SLC19A1: variants seen among roughly 807,000 people sequenced by gnomAD.
SLC19A1 encodes solute carrier family 19 member 1.
A neutral mutation model predicts 35.3 loss-of-function variants in SLC19A1; 37 were observed. That is an observed-to-expected ratio of 1.05 (90% CI 0.81 to 1.38). The LOEUF is 1.38. Ranked by LOEUF, SLC19A1 falls within the 40% of genes most tolerant of loss-of-function variation. The pLI is 0.00. For synonymous variants in SLC19A1, 460 were observed against 398.5 expected, an observed-to-expected ratio of 1.15 and a Z score of -1.84; for missense variants, 831 against 826.9, an observed-to-expected ratio of 1.00 and a Z score of -0.06.
intron 5 of SLC19A1, among the ~76,000 whole-genome samples, chr21:45,520,689 T>C (rs1220783436): frequency 6.6e-6 from 1 of 152,182 alleles, no homozygotes; most frequent in Non-Finnish European, 1.5e-5. Flanking sequence ...GTCACAAGGA[T>C]GGCATCTTAC....
At chr21:45,536,404 G>A (rs1220590390) in intron 2 of SLC19A1, 8 of 152,544 alleles carry the variant, frequency 5.2e-5, no homozygotes, top group Admixed American at 4.6e-4. Context: ...TCAGTGGGTG[G>A]CAGGGAGAGG....
intron 3 of SLC19A1, 82 bp downstream of exon 3, chr21:45,531,307 C>A: frequency 6.6e-7 from 1 of 1,508,918 alleles, no homozygotes; most frequent in South Asian, 1.3e-5. Flanking sequence ...GAGGGAGCCT[C>A]CGGGGGAAGG....
chr21:45,533,878 T>C lies in SLC19A1; in HGVS notation c.190-1730A>G, dbSNP rs924663650. ...TGCTCAGAGCCCGGCCACCGGCTAC[T>C]GTGAACAGCTGGGCAATAGGACCCT... is the stretch of plus-strand genomic sequence containing the variant. On this transcript the variant is annotated intron_variant, in intron 2 of 5. Transcript: ENST00000311124. This position sits in a 1 kb window ranked among gnomAD's most constrained non-coding sequence, Gnocchi z 4.5. 2.6e-5 allele frequency among the ~76,000 whole-genome samples: 4 copies of C among 152,096 alleles called. No individual in the cohort carries two copies. The highest frequency in any genetic ancestry group is 4.8e-5 in the African/African-American group (2 of 41,420).
chr21:45,511,858 C>T (rs577703058), downstream of SLC19A1, among the ~76,000 whole-genome samples: 14 of 152,306 alleles, frequency 9.2e-5, no homozygotes, highest in South Asian at 2.3e-3. Flanking sequence ...GCCCGGGAGG[C>T]GGAGCTGGTT....
intron 5 of SLC19A1, among the ~76,000 whole-genome samples, chr21:45,516,609 CCCGTCT>C (rs2146205850): frequency 6.6e-6 from 1 of 152,344 alleles, no homozygotes; most frequent in East Asian, 1.9e-4. Flanking sequence ...GCACATGGAG[CCCGTCT>C]CCATCTCGGC....
chr21:45,509,383 C>A, downstream of SLC19A1: 1 of 1,543,070 alleles, frequency 6.5e-7, no homozygotes, highest in Non-Finnish European at 8.7e-7. Context: ...CTTGCAGCCC[C>A]CCGTGGTGCA....
In SLC19A1 at chr21:45,515,803, G is replaced by A. The variant is rs760152623; in HGVS notation, c.1631C>T (p.Ser544Phe). The change falls in exon 6 of 6, where the codon TCC (serine) becomes TTC (phenylalanine). Residue 544 changes from serine (S) to phenylalanine (F), a missense_variant. Physicochemically the swap from Ser to Phe is radical, Grantham distance 155 (BLOSUM62 -2). Coordinates refer to ENST00000311124, the MANE Select transcript of SLC19A1 (RefSeq NM_194255.4). ...AEFLSPVTTP[S>F]PCTLCSAQAS... Reference sequence around the variant, plus strand: ...TTGGGCGGAGCACAGAGTGCAGGGGGAAGGGGTTGTCACTGGGCTCAGGAA... The same window carrying A: ...TTGGGCGGAGCACAGAGTGCAGGGGAAAGGGGTTGTCACTGGGCTCAGGAA... 6.2e-6 allele frequency: 10 copies of A among 1,612,076 alleles called. No homozygotes were observed. Among genetic ancestry groups the A allele is most frequent in the Non-Finnish European group, 8.5e-6 (10 of 1,178,950 alleles).
chr21:45,556,629 T>A (rs1602960262), intron 1 of SLC19A1, among the ~76,000 whole-genome samples: 3 of 152,356 alleles, frequency 2.0e-5, no homozygotes, highest in Admixed American at 2.0e-4. Context: ...GTGACACACC[T>A]GTCTGCAGCC....
At chr21:45,505,169 C>T in intron 3 of SLC19A1, 2 of 1,606,650 alleles carry the variant, frequency 1.2e-6, no homozygotes, top group East Asian at 2.2e-5. Flanking sequence ...GCCAGCCCGG[C>T]CCACCTGGAC....
chr21:45,507,590 G>C (rs766600640), downstream of SLC19A1: 13 of 1,613,088 alleles, frequency 8.1e-6, no homozygotes, highest in Non-Finnish European at 1.1e-5. Flanking sequence ...TCCCACGAGG[G>C]ACGGTAAGGA....
chr21:45,507,556 T>C (rs2037292638), intron 3 of SLC19A1: 2 of 1,611,850 alleles, frequency 1.2e-6, no homozygotes. Flanking sequence ...GCTGCTTTCT[T>C]CCAGCTGGAG....
rs528630035 is a variant in SLC19A1, at chr21:45,538,457, G to A, written c.-49-449C>T. Among the ~76,000 whole-genome samples, 127 of 152,320 alleles carry A rather than the reference G, an allele frequency of 8.3e-4. 2 individuals are homozygous for A. In the South Asian group the frequency reaches 0.025, roughly 30 times the overall value. The stretch of plus-strand genomic sequence containing the variant: ...CCCACGTGCCTGCTGCTGCTCTAGC[G>A]GCACCCAGGTGGCCCAGGGAGGGCA... On this transcript the variant is annotated intron_variant, in intron 1 of 5. Transcript: ENST00000311124.
chr21:45,510,790 G>A (rs190073580), downstream of SLC19A1, among the ~76,000 whole-genome samples: 6 of 152,246 alleles, frequency 3.9e-5, no homozygotes, highest in East Asian at 1.9e-4. Flanking sequence ...GGGAGCAGGC[G>A]GCTGTGGCCT....
rs67657866 is a variant in SLC19A1, at chr21:45,530,350, G to GTA, written c.1151+419_1151+420insTA. ...GTGAGTGTCCATCTGTGCGCATGTG[G>GTA]TGTGTTCATGAGTGTGTGTGTGTCC... On this transcript the variant is annotated intron_variant, in intron 4 of 5. Transcript: ENST00000311124. The surrounding 1 kb of genome is among the most constrained non-coding windows in gnomAD (Gnocchi z 5.3). Among the ~76,000 whole-genome samples the GTA allele has an allele frequency of 3.5e-5, 1 of 28,540 alleles. No individual in the cohort carries two copies. The highest frequency in any genetic ancestry group is 8.4e-5 in the Non-Finnish European group (1 of 11,964). The allele number at this position is 28,540 out of a possible 152,430, so 18.7% of individuals were successfully genotyped here. A position where few individuals can be genotyped will look rare whatever the true frequency, so the allele number is the denominator to read the frequency against.
At chr21:45,526,752 A>G (rs930870659) in intron 4 of SLC19A1, among the ~76,000 whole-genome samples, 6 of 152,162 alleles carry the variant, frequency 3.9e-5, no homozygotes, top group African/African-American at 1.2e-4. Context: ...TTGTATTTTT[A>G]GTAGAGACAG....
At chr21:45,559,689 G>A (rs1031884405) in intron 1 of SLC19A1, among the ~76,000 whole-genome samples, 4 of 152,288 alleles carry the variant, frequency 2.6e-5, no homozygotes, top group Non-Finnish European at 4.4e-5. Flanking sequence ...TTACTGGCTC[G>A]GAGGTGGTTC....
At chr21:45,557,359 C>T (rs1407796704) in intron 1 of SLC19A1, among the ~76,000 whole-genome samples, 6 of 152,210 alleles carry the variant, frequency 3.9e-5, no homozygotes, top group Admixed American at 1.3e-4. Context: ...GTGCCACATT[C>T]TCCTGAGGCT....
At chr21:45,538,694 G>A (rs1354593168) in intron 1 of SLC19A1, among the ~76,000 whole-genome samples, 2 of 152,160 alleles carry the variant, frequency 1.3e-5, no homozygotes, top group East Asian at 3.9e-4. Context: ...TGGGAGGGAG[G>A]ATGGGATGGA....
chr21:45,531,036 G>A (rs1361428143), intron 3 of SLC19A1, 65 bp from the exon 4 acceptor site: 2 of 1,182,732 alleles, frequency 1.7e-6, no homozygotes, highest in South Asian at 2.0e-5. Flanking sequence ...GGAGGTAGCG[G>A]GAGCTTCTGA....
Sources: gnomAD v4.1 joint callset for allele counts (sites outside exome capture counted in the v4.1 genomes callset) on GRCh38, gnomAD v4.1.1 for gene constraint, Gnocchi (gnomAD v3.1) non-coding constraint, MANE v1.5 for transcripts, NCBI Gene and HGNC (gene_info 2026-07-23, HGNC 2026-07-21) for gene names.